GATB: variants seen among roughly 807,000 people sequenced by gnomAD.
GATB encodes the protein glutamyl-tRNA amidotransferase subunit B, also known as glutamyl-tRNA(Gln) amidotransferase subunit B, mitochondrial.
A neutral mutation model predicts 62.3 loss-of-function variants in GATB; 39 were observed. The observed-to-expected ratio is 0.63, with a 90% CI of 0.48 to 0.82. GATB has a LOEUF of 0.82. GATB is among the 40% of genes least tolerant of loss of function. GATB has a pLI of 0.00. For missense variants in GATB, 670 were observed against 684.0 expected (o/e 0.98, Z 0.23); for synonymous variants, 276 against 258.9 (o/e 1.07, Z -0.63).
At chr4:151,720,423 G>A (rs1266358943) in intron 2 of GATB, 1 of 152,170 alleles carries the variant, frequency 6.6e-6, no homozygotes, top group Non-Finnish European at 1.5e-5. Context: ...CAGATAAAGT[G>A]ATAGCTGGAA....
rs186988214 is a variant in GATB at position 151,735,804 on chromosome 4, G to A, written c.328-16266C>T. Among the ~76,000 whole-genome samples, 3 of 146,546 alleles carry A rather than the reference G, an allele frequency of 2.0e-5. No homozygotes were observed. In the Admixed American group the frequency reaches 2.0e-4, roughly 10 times the overall value. On this transcript the variant is annotated intron_variant, in intron 2 of 12. Coordinates refer to ENST00000263985, the MANE Select transcript of GATB (RefSeq NM_004564.3). ...AAAAAGAAATAAATTAACAGCATTT[G>A]CAATGACCTGGATGGGACTGGAGAC...
At chr4:151,676,200 A>T (rs1323322032) in intron 11 of GATB, 1 of 152,252 alleles carries the variant, frequency 6.6e-6, no homozygotes, top group Non-Finnish European at 1.5e-5. Context: ...AGAGAGAAAA[A>T]GACATCTAGT....
At chr4:151,747,837 A>G (rs933857669) in intron 2 of GATB, among the ~76,000 whole-genome samples, 7 of 152,224 alleles carry the variant, frequency 4.6e-5, no homozygotes, top group African/African-American at 1.7e-4. Flanking sequence ...CATACAGACT[A>G]AGAGAGTTCA....
At chr4:151,742,217 T>C (rs1244814826) in intron 2 of GATB, among the ~76,000 whole-genome samples, 3 of 151,850 alleles carry the variant, frequency 2.0e-5, no homozygotes, top group African/African-American at 4.8e-5. Context: ...GCCTCCTGAG[T>C]AGCTGGGACT....
At chr4:151,750,335 T>A in intron 2 of GATB, among the ~76,000 whole-genome samples, 1 of 152,242 alleles carries the variant, frequency 6.6e-6, no homozygotes, top group Non-Finnish European at 1.5e-5. Flanking sequence ...GTTTGGTATT[T>A]ATCTTCCTAT....
chr4:151,732,703 A>G (rs1578930398), intron 2 of GATB, among the ~76,000 whole-genome samples: 1 of 150,582 alleles, frequency 6.6e-6, no homozygotes, highest in Non-Finnish European at 1.5e-5. Flanking sequence ...GAAACACCCA[A>G]GAATGATCAA....
chr4:151,751,830 T>C (rs1421722110), intron 2 of GATB, among the ~76,000 whole-genome samples: 3 of 152,238 alleles, frequency 2.0e-5, no homozygotes, highest in Admixed American at 6.5e-5. Context: ...CTAGATTATA[T>C]GGAAATCTTT....
intron 2 of GATB, among the ~76,000 whole-genome samples, chr4:151,724,962 C>A (rs1384230866): frequency 6.6e-6 from 1 of 152,112 alleles, no homozygotes; most frequent in East Asian, 1.9e-4. Context: ...AATTGTTCTA[C>A]AAAATGTATG....
Position 151,672,867 on chromosome 4 carries a change from G to A in GATB, c.1440C>T (p.Gly480=). The stretch of plus-strand genomic sequence containing the variant: ...CTGAAACAATCTGCCCTGGAGTCTT[G>A]CCTTCCCTCTTCCACAGTTCCTCAA... ...QVFEELWKRE[G]KTPGQIVSEK... is the part of the protein sequence containing the mutation. Residue 480 remains glycine, a synonymous_variant, in exon 12 of 13, where the codon GGC becomes GGT. Coordinates refer to ENST00000263985, the MANE Select transcript of GATB (RefSeq NM_004564.3). 6.2e-7 allele frequency: 1 copy of A among 1,614,202 alleles called. No individual in the cohort carries two copies. Among genetic ancestry groups the A allele is most frequent in the Non-Finnish European group, 8.5e-7 (1 of 1,180,022 alleles).
At chr4:151,758,443 T>G (rs976977636) in intron 2 of GATB, among the ~76,000 whole-genome samples, 5 of 152,218 alleles carry the variant, frequency 3.3e-5, no homozygotes, top group African/African-American at 1.2e-4. Context: ...CTCTGTTTGT[T>G]TATAAGACAC....
intron 10 of GATB, among the ~76,000 whole-genome samples, chr4:151,683,127 C>T (rs929172158): frequency 1.3e-5 from 2 of 152,182 alleles, no homozygotes; most frequent in South Asian, 2.1e-4. Flanking sequence ...ACAAATGCTC[C>T]GATCTTCCCT....
intron 2 of GATB, among the ~76,000 whole-genome samples, chr4:151,736,854 A>G (rs1739386140): frequency 6.6e-6 from 1 of 152,148 alleles, no homozygotes; most frequent in Non-Finnish European, 1.5e-5. Flanking sequence ...TCCTTGCGCA[A>G]GCTCTCCTCT....
In GATB at chr4:151,735,734, G is replaced by GTATATATATA. The variant is rs1491213513; in HGVS notation, c.328-16197_328-16196insTATATATATA. On this transcript the variant is annotated intron_variant, in intron 2 of 12. Coordinates refer to ENST00000263985, the MANE Select transcript of GATB (RefSeq NM_004564.3). ...TCAACAAGTGGATAAATAAACTGTG[G>GTATATATATA]TGTATATATATATATATATATATGA... Among the ~76,000 whole-genome samples the GTATATATATA allele has an allele frequency of 9.3e-4, 87 of 93,620 alleles. 17 individuals carry two copies. The South Asian group carries it at 9.6e-3, about 10-fold the overall frequency. 61.4% of individuals were successfully genotyped at this position (93,620 alleles called of 152,430 possible).
intron 2 of GATB, among the ~76,000 whole-genome samples, chr4:151,752,630 T>C (rs1739742233): frequency 6.6e-6 from 1 of 152,200 alleles, no homozygotes; most frequent in African/African-American, 2.4e-5. Flanking sequence ...AAAGCAGTAT[T>C]GTGTTCTTGT....
In GATB at chr4:151,717,001, C is replaced by A. The variant is rs114812418; in HGVS notation, c.515G>T (p.Gly172Val). Residue 172 changes from glycine (G) to valine (V), a missense_variant, in exon 4 of 13, where the codon GGG becomes GTG. Gly to Val is a moderately radical substitution (Grantham distance 109). Transcript: ENST00000263985. ...NGSLIYGVCA[G>V]KKQSQVIPKT... ...GGGGATCACCTGACTCTGCTTCTTC[C>A]CTGCACAGACGCCATATATCAAGCT... 269 of 1,614,126 alleles carry A rather than the reference C, an allele frequency of 1.7e-4. No individual in the cohort carries two copies. In the African/African-American group the frequency reaches 3.3e-3, roughly 20 times the overall value.
At chr4:151,754,913 A>G (rs1368356448) in intron 2 of GATB, among the ~76,000 whole-genome samples, 1 of 152,162 alleles carries the variant, frequency 6.6e-6, no homozygotes, top group East Asian at 1.9e-4. Flanking sequence ...AGGTTAAGTG[A>G]CCAATTGTTA....
chr4:151,728,133 C>T (rs541625308), intron 2 of GATB, among the ~76,000 whole-genome samples: 1 of 152,250 alleles, frequency 6.6e-6, no homozygotes, highest in South Asian at 2.1e-4. Flanking sequence ...TTCTTTGTTT[C>T]ATAATGAAGC....
chr4:151,754,076 C>T (rs2127000074), intron 2 of GATB, among the ~76,000 whole-genome samples: 1 of 152,256 alleles, frequency 6.6e-6, no homozygotes, highest in East Asian at 1.9e-4. Flanking sequence ...TCTTGTACTC[C>T]CTCCTTCTCA....
At chr4:151,713,019 G>A (rs556208856) in intron 5 of GATB, among the ~76,000 whole-genome samples, 6 of 152,200 alleles carry the variant, frequency 3.9e-5, no homozygotes, top group South Asian at 4.2e-4. Context: ...TCTGAGCTCC[G>A]CCTCCTGTCA....
Sources: gnomAD v4.1 joint callset for allele counts (sites outside exome capture counted in the v4.1 genomes callset) on GRCh38, gnomAD v4.1.1 for gene constraint, MANE v1.5 for transcripts, NCBI Gene and HGNC (gene_info 2026-07-23, HGNC 2026-07-21) for gene names.